Variants in LILRB3 observed in about 807,000 individuals in gnomAD.
LILRB3 encodes the protein leukocyte immunoglobulin-like receptor subfamily B member 3.
LILRB3 carries 32 observed loss-of-function variants against 68.2 expected under a neutral mutation model. The observed-to-expected ratio is 0.47, with a 90% CI of 0.35 to 0.63. LILRB3 has a LOEUF of 0.63. Among genes scored for constraint, LILRB3 ranks in the 30% least tolerant of loss-of-function variants. The pLI is 0.00. For missense variants in LILRB3, 502 were observed against 791.3 expected (o/e 0.63, Z 4.39); for synonymous variants, 185 against 323.1 (o/e 0.57, Z 4.58).
rs761775658 is a variant in LILRB3, at chr19:54,220,137, G to A, written c.1309+18C>T. On this transcript the variant is annotated intron_variant, in intron 7 of 12. Coordinates refer to ENST00000445347, the Ensembl canonical transcript of LILRB3. The stretch of plus-strand genomic sequence containing the variant: ...CCCTGGGGGAGGCGGCGCTCCCCAA[G>A]AGGCCTCAGTGACTCACCAGGTGTG... 8.9e-5 allele frequency: 134 copies of A among 1,506,950 alleles called. 5 individuals carry two copies. Among genetic ancestry groups the A allele is most frequent in the Non-Finnish European group, 1.1e-4 (125 of 1,116,822 alleles). 93.3% of individuals were successfully genotyped at this position (1,506,950 alleles called of 1,614,324 possible).
At chr19:54,217,907 C>T (rs1221788552) in intron 11 of LILRB3, among the ~76,000 whole-genome samples, 1 of 151,928 alleles carries the variant, frequency 6.6e-6, no homozygotes, top group Non-Finnish European at 1.5e-5. Context: ...CGTTGCACTC[C>T]TGGACACGAT....
exon 12 of LILRB3, chr19:54,217,366 C>T (rs760185490): frequency 6.3e-7 from 1 of 1,590,610 alleles, no homozygotes; most frequent in Non-Finnish European, 8.6e-7. Context: ...TCCTTTGTGT[C>T]CAGGAATTCC....
At chr19:54,220,694 G>A in exon 6 of LILRB3, 1 of 1,539,790 alleles carries the variant, frequency 6.5e-7, no homozygotes, top group East Asian at 3.1e-5. Flanking sequence ...GACGCAGTGG[G>A]GGATGGGCTG....
chr19:54,217,042 A>C, exon 13 of LILRB3: 1 of 1,613,888 alleles, frequency 6.2e-7, no homozygotes, highest in Non-Finnish European at 8.5e-7. Context: ...CCGTGCCTTC[A>C]GCAGTCCTGA....
chr19:54,219,866 C>T (rs781347249), intron 7 of LILRB3: 4 of 1,549,272 alleles, frequency 2.6e-6, no homozygotes, highest in African/African-American at 1.4e-5. Flanking sequence ...GCCCCTCACT[C>T]ACCATTCTGA....
intron 8 of LILRB3, 79 bp downstream of exon 8, chr19:54,219,050 C>G: frequency 6.5e-7 from 1 of 1,538,664 alleles, no homozygotes; most frequent in Non-Finnish European, 8.7e-7. Context: ...ACTGACACCC[C>G]TGTGTGTTTG....
intron 7 of LILRB3, 172 bp from the exon 8 acceptor site, chr19:54,219,417 G>A: frequency 6.7e-7 from 1 of 1,484,110 alleles, no homozygotes; most frequent in Non-Finnish European, 9.2e-7. Flanking sequence ...GAGGCTCAGA[G>A]CAGGGAGTCG....
chr19:54,222,096 G>C (rs201605935), exon 4 of LILRB3: 7 of 1,610,390 alleles, frequency 4.3e-6, no homozygotes, highest in Non-Finnish European at 5.1e-6. Flanking sequence ...CCACAGGGCT[G>C]GGCAGGGCTG....
At chr19:54,222,080 A>G in exon 4 of LILRB3, 1 of 1,611,036 alleles carries the variant, frequency 6.2e-7, no homozygotes, top group Non-Finnish European at 8.5e-7. Flanking sequence ...TTCCCCCCTG[A>G]GGCCACCACA....
chr19:54,219,043 GAC>G, intron 8 of LILRB3, 84 bp downstream of exon 8: 1 of 1,534,840 alleles, frequency 6.5e-7, no homozygotes, highest in South Asian at 1.3e-5. Context: ...TTTCTAAACT[GAC>G]ACCCCTGTGT....
At chr19:54,217,421 G>A (rs2077587444) in exon 12 of LILRB3, 3 of 1,608,792 alleles carry the variant, frequency 1.9e-6, no homozygotes, top group African/African-American at 1.4e-5. Context: ...TCCTAGGACT[G>A]GAGTGTTTCA....
At position 54,218,749 on chromosome 19, in the gene LILRB3, T is replaced by C. The variant is rs1270281296; in HGVS notation, c.1502+14A>G. The C allele has an allele frequency of 1.2e-6, 2 of 1,614,064 alleles. No homozygotes were observed. Among genetic ancestry groups the C allele is most frequent in the South Asian group, 1.1e-5 (1 of 91,070 alleles). On this transcript the variant is annotated intron_variant, in intron 9 of 12. Transcript: ENST00000445347. ...GTGGTGGGTGGGAGTCTGTGGTCTT[T>C]GGGGCAGAATTACCTCCTCAGCAGG...
At chr19:54,216,607 G>C (rs1298165546) in exon 13 of LILRB3, 4 of 1,009,248 alleles carry the variant, frequency 4.0e-6, no homozygotes, top group Non-Finnish European at 4.7e-6. Flanking sequence ...ACCGCGCCCG[G>C]CCTATTTATG....
chr19:54,219,872 T>A, intron 7 of LILRB3: 1 of 1,549,236 alleles, frequency 6.5e-7, no homozygotes, highest in Non-Finnish European at 8.7e-7. Context: ...CACTCACCAT[T>A]CTGAGGGCCT....
chr19:54,218,284 A>G (rs2077691769), intron 11 of LILRB3, 77 bp downstream of exon 11: 1 of 1,573,126 alleles, frequency 6.4e-7, no homozygotes, highest in Non-Finnish European at 8.7e-7. Flanking sequence ...AGCCGGGGGA[A>G]GGAGGACAGA....
Position 54,219,016 on chromosome 19 carries a change from G to A in LILRB3, c.1426+113C>T, listed in dbSNP as rs146115102. The A allele has an allele frequency of 5.0e-3, 7,580 of 1,522,408 alleles. 28 individuals carry two copies. Among genetic ancestry groups the A allele is most frequent in the Non-Finnish European group, 6.2e-3 (7,000 of 1,132,378 alleles). The allele number at this position is 1,522,408 out of a possible 1,614,324, so 94.3% of individuals were successfully genotyped here. ...GTTTGTAAATGCGTATTGAAATTACGTGCCCCTGGAACCGGTTTTCTAAAC... is the reference window on the plus strand; with the variant it reads ...GTTTGTAAATGCGTATTGAAATTACATGCCCCTGGAACCGGTTTTCTAAAC... On this transcript the variant is annotated intron_variant, in intron 8 of 12. Transcript: ENST00000445347.
intron 7 of LILRB3, chr19:54,219,830 T>C (rs1479914854): frequency 6.8e-7 from 1 of 1,469,848 alleles, no homozygotes; most frequent in South Asian, 1.2e-5. Context: ...CTGCCTCCCC[T>C]GGACCCCGCC....
chr19:54,219,159 G>C, exon 8 of LILRB3: 2 of 1,527,952 alleles, frequency 1.3e-6, no homozygotes, highest in Non-Finnish European at 1.8e-6. Context: ...TGACGCTGAC[G>C]GAGGAGGAGG....
rs778336130 is a variant in LILRB3, at chr19:54,218,842, G to A, written c.1427-4C>T. On this transcript the variant is annotated splice_polypyrimidine_tract_variant and splice_region_variant and intron_variant, in intron 8 of 12. Transcript: ENST00000445347. ...TGGAAATCAGTCTTTCTCTGGTCTG[G>A]GTGAAGATGGACAGAGTCTCAGCCC... 5.0e-6 allele frequency: 8 copies of A among 1,613,908 alleles called. No individual in the cohort carries two copies. Among genetic ancestry groups the A allele is most frequent in the Non-Finnish European group, 5.9e-6 (7 of 1,179,854 alleles).
Sources: gnomAD v4.1 joint callset for allele counts (sites outside exome capture counted in the v4.1 genomes callset) on GRCh38, gnomAD v4.1.1 for gene constraint, MANE v1.5 for transcripts, NCBI Gene and HGNC (gene_info 2026-07-23, HGNC 2026-07-21) for gene names.